The following TAB3 variants were observed in gnomAD, a reference collection of about 807,000 sequenced individuals.
TAB3 encodes the protein TGF-beta-activated kinase 1 and MAP3K7-binding protein 3.
TAB3 carries 18 observed loss-of-function variants against 48.1 expected under a neutral mutation model. That is an observed-to-expected ratio of 0.37 (90% CI 0.26 to 0.55). The LOEUF is 0.55. TAB3 is among the 20% of genes least tolerant of loss of function. TAB3 has a pLI of 0.78. For synonymous variants in TAB3, 185 were observed against 190.2 expected (o/e 0.97, Z 0.22); for missense variants, 414 against 549.8 (o/e 0.75, Z 2.47).
chrX:30,834,455 T>C (rs750685902), intron 9 of TAB3, among the ~76,000 whole-genome samples: 2 of 112,220 alleles, frequency 1.8e-5, no homozygotes, highest in African/African-American at 6.5e-5. Context: ...AACTCAGTGA[T>C]AGCAAATAAA....
chrX:30,827,584 A>T lies in TAB3; in HGVS notation c.*3843T>A, dbSNP rs1937927768. 8.9e-6 allele frequency: 1 copy of T among 112,872 alleles called. No individual in the cohort carries two copies. The highest frequency in any genetic ancestry group is 9.4e-5 in the Admixed American group (1 of 10,609). 9.3% of individuals were successfully genotyped at this position (112,872 alleles called of 1,213,427 possible). On this transcript the variant is annotated 3_prime_UTR_variant, in exon 11 of 11. Transcript: ENST00000288422. ...AAATGATTTCATTCACAGCATACAC[A>T]GAAATCTAAAAGAGACATGGTATTT... is the stretch of plus-strand genomic sequence containing the variant.
At chrX:30,834,007 G>T in intron 10 of TAB3, 44 bp downstream of exon 10, 2 of 1,107,459 alleles carry the variant, frequency 1.8e-6, no homozygotes, top group South Asian at 1.9e-5. Flanking sequence ...ATTAACATGT[G>T]TCTTTGGACA....
chrX:30,843,502 GAAC>G (rs1057260539), intron 8 of TAB3: 1 of 111,627 alleles, frequency 9.0e-6, no homozygotes, highest in Admixed American at 9.6e-5. Context: ...ATTATAAATT[GAAC>G]TACAGAAAAA....
At position 30,855,014 on chromosome X, in the gene TAB3, T is replaced by C; in HGVS notation, c.651A>G (p.Pro217=). Residue 217 remains proline, a synonymous_variant, in exon 6 of 11, where the codon CCA becomes CCG. Coordinates refer to ENST00000288422, the MANE Select transcript of TAB3 (RefSeq NM_152787.5). ...ACCCATAGAGATTGCTTGGAATTTG[T>C]GGAAGAATTTGTAAAGCTCTTGGTA... ...QTVPRALQIL[P]QIPSNLYGSP... The C allele has an allele frequency of 8.3e-7, 1 of 1,211,050 alleles. No individual in the cohort carries two copies. The highest frequency in any genetic ancestry group is 1.1e-6 in the Non-Finnish European group (1 of 895,001).
intron 10 of TAB3, among the ~76,000 whole-genome samples, chrX:30,833,537 T>C (rs1311747263): frequency 9.0e-6 from 1 of 110,952 alleles, no homozygotes; most frequent in East Asian, 2.8e-4. Context: ...TATATAAAAA[T>C]ATATTAAAAT....
At chrX:30,843,981 CTTTT>C (rs1236905918) in intron 8 of TAB3, 3 of 107,099 alleles carry the variant, frequency 2.8e-5, no homozygotes, top group African/African-American at 6.8e-5. Context: ...TCCAGATCTA[CTTTT>C]TTTTTTCCCA....
chrX:30,876,047 C>T (rs766813797), intron 1 of TAB3, among the ~76,000 whole-genome samples: 1 of 112,055 alleles, frequency 8.9e-6, no homozygotes, highest in South Asian at 3.7e-4. Context: ...AAGGGAAAAT[C>T]CTCTTCACCC....
In TAB3 at chrX:30,859,645, A is replaced by G; in HGVS notation, c.-57T>C. The G allele has an allele frequency of 1.3e-6, 1 of 799,692 alleles. No individual in the cohort carries two copies. The highest frequency in any genetic ancestry group is 1.9e-6 in the Non-Finnish European group (1 of 539,693). The allele number at this position is 799,692 out of a possible 1,213,427, so 65.9% of individuals were successfully genotyped here. ...GGAAATGGATGTTAACCGGCTTTCC[A>G]AAAGTAATGATCTTCTAGCACCACA... is the stretch of plus-strand genomic sequence containing the variant. On this transcript the variant is annotated 5_prime_UTR_variant, in exon 5 of 11. Transcript: ENST00000288422.
intron 7 of TAB3, among the ~76,000 whole-genome samples, chrX:30,848,752 AGAAAACAG>A (rs1938722357): frequency 1.8e-5 from 2 of 111,632 alleles, no homozygotes; most frequent in South Asian, 3.7e-4. Flanking sequence ...GTTGTCTGTA[AGAAAACAG>A]GATGTTTGTA....
rs1011634473 is a variant in TAB3 at position 30,831,727 on chromosome X, G to T, written c.1991-152C>A. 5.0e-6 allele frequency: 3 copies of T among 601,059 alleles called. No homozygotes were observed. The African/African-American group carries it at 6.9e-5, about 14-fold the overall frequency. The allele number at this position is 601,059 out of a possible 1,213,427, so 49.5% of individuals were successfully genotyped here. ...AGCCAATTAGTAAATATATCTACTG[G>T]AAATGCATAGTTGAACAGAAAGTTG... is the stretch of plus-strand genomic sequence containing the variant. On this transcript the variant is annotated intron_variant, in intron 10 of 10. Transcript: ENST00000288422.
chrX:30,828,056 T>G lies in TAB3; in HGVS notation c.*3371A>C, dbSNP rs1429874677. ...CATGGACTCATTCAAGGTCTAACAA[T>G]GGTACAATATTAAAATAATTCAATT... On this transcript the variant is annotated 3_prime_UTR_variant, in exon 11 of 11. Coordinates refer to ENST00000288422, the MANE Select transcript of TAB3 (RefSeq NM_152787.5). 8.0e-5 allele frequency: 9 copies of G among 112,144 alleles called. No homozygotes were observed. The highest frequency in any genetic ancestry group is 9.7e-5 in the African/African-American group (3 of 30,807). The allele number at this position is 112,144 out of a possible 1,213,427, so 9.2% of individuals were successfully genotyped here.
In TAB3 at chrX:30,889,133, G is replaced by GGCCGCCGCC. The variant is rs1389260314; in HGVS notation, c.-411_-403dup. The GGCCGCCGCC allele has an allele frequency of 1.2e-4, 14 of 114,256 alleles. No individual in the cohort carries two copies. The highest frequency in any genetic ancestry group is 1.1e-3 in the Admixed American group (12 of 10,860). 9.4% of individuals were successfully genotyped at this position (114,256 alleles called of 1,213,427 possible). A position where few individuals can be genotyped will look rare whatever the true frequency, so the allele number is the denominator to read the frequency against. Reference sequence around the variant, plus strand: ...ACTCACCAGGCGGCTGCTGCTCTCTGGCCGCCGCCGCCGCCGCCTCGCCCT... The same window carrying GGCCGCCGCC: ...ACTCACCAGGCGGCTGCTGCTCTCTGGCCGCCGCCGCCGCCGCCGCCGCCGCCTCGCCCT... On this transcript the variant is annotated 5_prime_UTR_variant, in exon 1 of 11. Coordinates refer to ENST00000288422, the MANE Select transcript of TAB3 (RefSeq NM_152787.5).
intron 7 of TAB3, 28 bp from the exon 8 acceptor site, chrX:30,846,672 T>C: frequency 9.7e-7 from 1 of 1,032,605 alleles, no homozygotes; most frequent in Non-Finnish European, 1.3e-6. Context: ...AAAATAGCAA[T>C]TGTGGGAAAG....
intron 5 of TAB3, among the ~76,000 whole-genome samples, chrX:30,856,646 T>C (rs1353655664): frequency 8.9e-6 from 1 of 112,151 alleles, no homozygotes; most frequent in Admixed American, 9.5e-5. Context: ...TATATATTTA[T>C]TTTAGGAAAA....
At chrX:30,884,377 A>C (rs748726252) in intron 1 of TAB3, among the ~76,000 whole-genome samples, 1 of 111,770 alleles carries the variant, frequency 8.9e-6, no homozygotes, top group African/African-American at 3.3e-5. Flanking sequence ...GGTAGGTACC[A>C]CATTATCCCT....
At chrX:30,852,969 G>C (rs762814473) in intron 6 of TAB3, 31 bp from the exon 7 acceptor site, 2 of 1,181,276 alleles carry the variant, frequency 1.7e-6, no homozygotes, top group South Asian at 3.7e-5. Context: ...TCATTGCAGA[G>C]AACAACATTG....
intron 5 of TAB3, among the ~76,000 whole-genome samples, chrX:30,857,531 TA>T (rs911272598): frequency 1.8e-5 from 2 of 111,273 alleles, no homozygotes; most frequent in African/African-American, 6.5e-5. Flanking sequence ...TAACATCTGA[TA>T]TTTTTATTAA....
chrX:30,859,385 C>CACACAA (rs1555941704), intron 5 of TAB3, 102 bp downstream of exon 5: 2 of 593,181 alleles, frequency 3.4e-6, no homozygotes, highest in East Asian at 7.1e-5. Flanking sequence ...CACACACACA[C>CACACAA]ACACACAAGA....
chrX:30,865,153 T>A (rs1280848289), intron 4 of TAB3, among the ~76,000 whole-genome samples: 2 of 111,952 alleles, frequency 1.8e-5, no homozygotes, highest in East Asian at 5.6e-4. Flanking sequence ...GCACAAGAAT[T>A]CCTCGTCATG....
Sources: gnomAD v4.1 joint callset for allele counts (sites outside exome capture counted in the v4.1 genomes callset) on GRCh38, gnomAD v4.1.1 for gene constraint, MANE v1.5 for transcripts, NCBI Gene and HGNC (gene_info 2026-07-23, HGNC 2026-07-21) for gene names.